PRIM2: variants seen among roughly 807,000 people sequenced by gnomAD.
PRIM2 encodes the protein DNA primase large subunit.
Under a neutral mutation model 67.3 loss-of-function variants are expected in PRIM2, and 39 were observed. The observed-to-expected ratio is 0.58, with a 90% confidence interval of 0.45 to 0.76. PRIM2 has a LOEUF of 0.76. Ranked by LOEUF, PRIM2 falls within the 30% of genes least tolerant of loss-of-function variation. PRIM2 has a pLI of 0.00. For missense variants in PRIM2, 398 were observed against 598.7 expected, an observed-to-expected ratio of 0.66 and a Z score of 3.50; for synonymous variants, 143 against 198.7, an observed-to-expected ratio of 0.72 and a Z score of 2.36.
chr6:57,522,336 C>T (rs1335456691), intron 8 of PRIM2, among the ~76,000 whole-genome samples: 4 of 152,046 alleles, frequency 2.6e-5, no homozygotes, highest in African/African-American at 9.7e-5. Context: ...ACCTAGTCCT[C>T]CAGAGAACTA....
intron 5 of PRIM2, among the ~76,000 whole-genome samples, chr6:57,368,548 G>T (rs1337074995): frequency 1.3e-5 from 2 of 152,136 alleles, no homozygotes; most frequent in Admixed American, 6.5e-5. Flanking sequence ...TAGACTAGTG[G>T]TTCCAACATG....
intron 7 of PRIM2, among the ~76,000 whole-genome samples, chr6:57,479,094 C>T (rs1229213209): frequency 7.9e-5 from 12 of 152,062 alleles, no homozygotes; most frequent in Non-Finnish European, 1.5e-4. Context: ...TGCTGTGAGG[C>T]GAGATCGTGC....
rs577797584 is a variant in PRIM2 at position 57,367,404 on chromosome 6, A to T, written c.460-12497A>T. 1.3e-3 allele frequency among the ~76,000 whole-genome samples: 196 copies of T among 152,324 alleles called. 1 individual carries two copies. The highest frequency in any genetic ancestry group is 4.5e-3 in the African/African-American group (185 of 41,566). Reference sequence around the variant, plus strand: ...AAGAACTGGATTACAGATAGAAAAAAATGTTTAAAACTAACTTATTTTAGG... The same window carrying T: ...AAGAACTGGATTACAGATAGAAAAATATGTTTAAAACTAACTTATTTTAGG... On this transcript the variant is annotated intron_variant, in intron 5 of 13. Transcript: ENST00000615550.
At chr6:57,249,460 G>A in the PRIM2 span, among the ~76,000 whole-genome samples, 1 of 152,198 alleles carries the variant, frequency 6.6e-6, no homozygotes, top group Non-Finnish European at 1.5e-5. Context: ...ACCCAGGTTA[G>A]GTTGGGCGTG....
intron 4 of PRIM2, 182 bp from the exon 5 acceptor site, chr6:57,325,743 A>G (rs1474997607): frequency 5.7e-6 from 1 of 175,690 alleles, no homozygotes; most frequent in Non-Finnish European, 1.1e-5. Context: ...TACCCAACCC[A>G]TCCTTAGAAG....
chr6:57,259,367 G>C, the PRIM2 span, among the ~76,000 whole-genome samples: 2,835 of 152,156 alleles, frequency 0.019, 101 homozygotes, highest in African/African-American at 0.063. Flanking sequence ...GGTTGCCCTG[G>C]ACATGTGTAA....
At chr6:57,226,104 T>C in the PRIM2 span, among the ~76,000 whole-genome samples, 1 of 152,096 alleles carries the variant, frequency 6.6e-6, no homozygotes, top group Non-Finnish European at 1.5e-5. Flanking sequence ...GGGTATTCAG[T>C]AATAGACAAA....
chr6:57,472,354 C>T lies in PRIM2; in HGVS notation c.694-35033C>T, dbSNP rs1443284758. Among the ~76,000 whole-genome samples, 9 of 149,986 alleles carry T rather than the reference C, an allele frequency of 6.0e-5. 1 individual carries two copies. The highest frequency in any genetic ancestry group is 1.5e-4 in the African/African-American group (6 of 40,580). ...CTGAGGCAGGAGAATCGCTTGAACC[C>T]GGTAGGCGGAAGTTGCAGTGAACTG... On this transcript the variant is annotated intron_variant, in intron 7 of 13. Transcript: ENST00000615550.
At chr6:57,644,275 C>T (rs1777295919) in intron 13 of PRIM2, among the ~76,000 whole-genome samples, 1 of 151,926 alleles carries the variant, frequency 6.6e-6, no homozygotes, top group Non-Finnish European at 1.5e-5. Context: ...TTACCTTGCT[C>T]ATGTGGTCCT....
the PRIM2 span, among the ~76,000 whole-genome samples, chr6:57,296,214 CAAAT>C: frequency 6.6e-6 from 1 of 151,972 alleles, no homozygotes; most frequent in African/African-American, 2.4e-5. Flanking sequence ...AAGCTGTGCA[CAAAT>C]AGAAATGCAC....
At position 57,627,260 on chromosome 6, in the gene PRIM2, A is replaced by G. The variant is rs1313704101; in HGVS notation, c.1231-4873A>G. ...GCGCCGCTGCCCTCCAGCCTGGGTG[A>G]CAGAGTGAGACTCTGTCTCAAAAAA... is the stretch of plus-strand genomic sequence containing the variant. On this transcript the variant is annotated intron_variant, in intron 12 of 13. Coordinates refer to ENST00000615550, the MANE Select transcript of PRIM2 (RefSeq NM_000947.5). Among the ~76,000 whole-genome samples the G allele has an allele frequency of 2.5e-4, 29 of 116,104 alleles. No homozygotes were observed. The South Asian group carries it at 1.0e-2, about 40-fold the overall frequency. 76.2% of individuals were successfully genotyped at this position (116,104 alleles called of 152,430 possible).
chr6:57,258,814 C>G, the PRIM2 span, among the ~76,000 whole-genome samples: 1 of 152,152 alleles, frequency 6.6e-6, no homozygotes, highest in African/African-American at 2.4e-5. Flanking sequence ...CTAGACTCAA[C>G]TCTACCATCT....
chr6:57,584,797 A>C (rs1242954915), intron 10 of PRIM2, among the ~76,000 whole-genome samples: 1 of 152,226 alleles, frequency 6.6e-6, no homozygotes, highest in Non-Finnish European at 1.5e-5. Flanking sequence ...GTTTCTACAA[A>C]TTTTATACAC....
intron 7 of PRIM2, among the ~76,000 whole-genome samples, chr6:57,499,727 G>A (rs1774091269): frequency 1.3e-5 from 2 of 152,190 alleles, no homozygotes; most frequent in Admixed American, 6.5e-5. Context: ...TTTGTTATAG[G>A]ACTCTCAGTC....
At chr6:57,339,889 C>A (rs1282377329) in intron 5 of PRIM2, among the ~76,000 whole-genome samples, 1 of 150,580 alleles carries the variant, frequency 6.6e-6, no homozygotes, top group Non-Finnish European at 1.5e-5. Flanking sequence ...TTCTGCACAG[C>A]AAAAGAAACT....
At chr6:57,335,606 A>G (rs1172747174) in intron 5 of PRIM2, among the ~76,000 whole-genome samples, 6 of 152,168 alleles carry the variant, frequency 3.9e-5, no homozygotes, top group African/African-American at 1.2e-4. Context: ...GGGCAGACTG[A>G]CACCTCACAT....
intron 7 of PRIM2, among the ~76,000 whole-genome samples, chr6:57,432,047 A>G (rs1284686095): frequency 6.6e-6 from 1 of 152,190 alleles, no homozygotes; most frequent in Non-Finnish European, 1.5e-5. Context: ...ATATGAATGT[A>G]TTCTAAGCCA....
chr6:57,507,433 A>C lies in PRIM2; in HGVS notation c.740A>C (p.Gln247Pro). Reference protein sequence around the residue: ...LPAVQSDERLQPLLNHLSHSY... With the variant: ...LPAVQSDERLPPLLNHLSHSY... Reference sequence around the variant, plus strand: ...GCTGTGCAGTCTGATGAAAGACTTCAGCCTCTGCTCAATCACCTCAGGTAA... The same window carrying C: ...GCTGTGCAGTCTGATGAAAGACTTCCGCCTCTGCTCAATCACCTCAGGTAA... Residue 247 changes from glutamine to proline, a missense_variant, in exon 8 of 14, where the codon CAG (glutamine) becomes CCG (proline). By Grantham distance (76) the Gln-to-Pro change is moderately conservative. Coordinates refer to ENST00000615550, the MANE Select transcript of PRIM2 (RefSeq NM_000947.5). 1 of 1,555,260 alleles carries C rather than the reference A, an allele frequency of 6.4e-7. No homozygotes were observed. The highest frequency in any genetic ancestry group is 1.7e-4 in the Middle Eastern group (1 of 5,916).
intron 7 of PRIM2, among the ~76,000 whole-genome samples, chr6:57,499,415 C>T (rs1159939703): frequency 2.0e-5 from 3 of 152,152 alleles, no homozygotes; most frequent in Admixed American, 6.5e-5. Flanking sequence ...TGAAGCAGGC[C>T]ATAAACCCTA....
Sources: allele counts gnomAD v4.1 joint callset (sites outside exome capture counted in the v4.1 genomes callset), GRCh38; gene constraint gnomAD v4.1.1; transcripts MANE v1.5; gene names NCBI Gene and HGNC (gene_info 2026-07-23, HGNC 2026-07-21).